Variants in GRK1 observed in about 807,000 individuals in gnomAD.
GRK1 encodes the protein G protein-coupled receptor kinase 1.
A neutral mutation model predicts 41.7 loss-of-function variants in GRK1; 28 were observed. That is an observed-to-expected ratio of 0.67 (90% CI 0.50 to 0.92). GRK1 has a LOEUF of 0.92. Ranked by LOEUF, GRK1 falls within the 40% of genes least tolerant of loss-of-function variation. GRK1 has a pLI of 0.00. For synonymous variants in GRK1, 327 were observed against 286.7 expected, an observed-to-expected ratio of 1.14 and a Z score of -1.42; for missense variants, 703 against 671.2, an observed-to-expected ratio of 1.05 and a Z score of -0.52.
the GRK1 span, chr13:113,657,997 C>G: frequency 1.8e-5 from 27 of 1,539,064 alleles, no homozygotes; most frequent in Non-Finnish European, 2.4e-5. Flanking sequence ...GAGCGGCCCC[C>G]TCCATGCACC....
intron 4 of GRK1, among the ~76,000 whole-genome samples, chr13:113,723,862 G>C (rs2140722590): frequency 6.6e-6 from 1 of 151,668 alleles, no homozygotes; most frequent in Non-Finnish European, 1.5e-5. Flanking sequence ...GCCTGTGTGT[G>C]CATGCCCGTG....
the GRK1 span, chr13:113,658,024 C>A: frequency 8.2e-6 from 13 of 1,591,068 alleles, no homozygotes; most frequent in South Asian, 6.8e-5. Context: ...GCCCGCCCCC[C>A]GCACGTACCC....
chr13:113,669,638 G>T, intron 1 of GRK1, 49 bp from the exon 2 acceptor site: 1 of 1,612,170 alleles, frequency 6.2e-7, no homozygotes. Flanking sequence ...GATGCACCTA[G>T]TCCCTTTCCT....
At chr13:113,655,054 C>T in the GRK1 span, 4 of 1,408,836 alleles carry the variant, frequency 2.8e-6, no homozygotes, top group Middle Eastern at 4.3e-4. Context: ...TACCTAGTTC[C>T]AGAACATTCT....
At chr13:113,734,036 ATG>A (rs555370556) in intron 6 of GRK1, among the ~76,000 whole-genome samples, 6,146 of 107,812 alleles carry the variant, frequency 0.057, 417 homozygotes, top group African/African-American at 0.17. Flanking sequence ...GCGTGTGCGT[ATG>A]TGTGTGTGCA....
chr13:113,668,402 G>T (rs955054430), intron 1 of GRK1, among the ~76,000 whole-genome samples: 3 of 152,124 alleles, frequency 2.0e-5, no homozygotes, highest in Non-Finnish European at 4.4e-5. Context: ...CTCAGGGGAG[G>T]CTGAAGAGGG....
chr13:113,727,038 A>T (rs2140725299), intron 4 of GRK1, among the ~76,000 whole-genome samples: 1 of 152,318 alleles, frequency 6.6e-6, no homozygotes, highest in South Asian at 2.1e-4. Context: ...GTCCCAGGAC[A>T]TCCGTCATGG....
chr13:113,650,352 G>C, the GRK1 span: 2 of 1,526,646 alleles, frequency 1.3e-6, no homozygotes, highest in Non-Finnish European at 1.8e-6. The surrounding 1 kb of genome is among the most constrained non-coding windows in gnomAD (Gnocchi z 5.0). Context: ...CTTTCGCTAA[G>C]TGTGAGAGGA....
chr13:113,729,902 G>A lies in GRK1; in HGVS notation c.1070-1317G>A, dbSNP rs1020203893. On this transcript the variant is annotated intron_variant, in intron 4 of 6. Transcript: ENST00000335678. The stretch of plus-strand genomic sequence containing the variant: ...GTCCCTCCATCCGGAGACAGTCCCC[G>A]CGGCTGCACCCAGACCCATCCCTCC... Among the ~76,000 whole-genome samples, 8 of 126,544 alleles carry A rather than the reference G, an allele frequency of 6.3e-5. No individual in the cohort carries two copies. In the East Asian group the frequency reaches 7.6e-4, roughly 12 times the overall value. The allele number at this position is 126,544 out of a possible 152,430, so 83.0% of individuals were successfully genotyped here.
the GRK1 span, among the ~76,000 whole-genome samples, chr13:113,651,074 A>C: frequency 6.6e-6 from 1 of 151,948 alleles, no homozygotes; most frequent in South Asian, 2.1e-4. Flanking sequence ...GGAGGCTTCG[A>C]GGGAAGTGAG....
At chr13:113,662,161 A>G in the GRK1 span, among the ~76,000 whole-genome samples, 4 of 152,374 alleles carry the variant, frequency 2.6e-5, no homozygotes, top group Admixed American at 2.0e-4. Context: ...AGGCTGGTTC[A>G]GTATTCAAAA....
At chr13:113,649,294 T>C in the GRK1 span, 12 of 1,491,546 alleles carry the variant, frequency 8.0e-6, no homozygotes, top group South Asian at 1.5e-4. This position sits in a 1 kb window ranked among gnomAD's most constrained non-coding sequence, Gnocchi z 4.7. Context: ...GGCAGGGAAC[T>C]GACGGGCAAG....
rs1250422066 is a variant in GRK1, at chr13:113,736,424, T to C, written c.*1061T>C. ...CTCACAGCCCACCTTCTCATACAGC[T>C]CGGCCCCACCCACAATGCACCTGGC... On this transcript the variant is annotated 3_prime_UTR_variant, in exon 7 of 7. Transcript: ENST00000335678. 1 of 152,314 alleles carries C rather than the reference T, an allele frequency of 6.6e-6. No individual in the cohort carries two copies. The highest frequency in any genetic ancestry group is 1.5e-5 in the Non-Finnish European group (1 of 68,106). 9.4% of individuals were successfully genotyped at this position (152,314 alleles called of 1,614,324 possible). A position where few individuals can be genotyped will look rare whatever the true frequency, so the allele number is the denominator to read the frequency against.
rs572666922 is a variant in GRK1 at position 113,723,151 on chromosome 13, A to C, written c.1063A>C (p.Thr355Pro). 43 of 700,696 alleles carry C rather than the reference A, an allele frequency of 6.1e-5. No individual in the cohort carries two copies. The highest frequency in any genetic ancestry group is 1.2e-4 in the Admixed American group (6 of 49,702). 43.4% of individuals were successfully genotyped at this position (700,696 alleles called of 1,614,324 possible). A position where few individuals can be genotyped will look rare whatever the true frequency, so the allele number is the denominator to read the frequency against. Residue 355 changes from threonine (T) to proline (P), a missense_variant, in exon 4 of 7, where the codon ACC becomes CCC. By Grantham distance (38) the Thr-to-Pro change is conservative. Coordinates refer to ENST00000335678, the MANE Select transcript of GRK1 (RefSeq NM_002929.3). The stretch of plus-strand genomic sequence containing the variant: ...GAGCAAGACCAAGGGCTACGCAGGG[A>C]CCCCAGGTAAGGGTCTGAGCGCAGC... ...GQSKTKGYAG[T>P]PGFMAPELLQ...
the GRK1 span, chr13:113,658,028 C>T: frequency 3.1e-6 from 5 of 1,594,402 alleles, no homozygotes; most frequent in East Asian, 2.3e-5. Context: ...GCCCCCCGCA[C>T]GTACCCCACC....
At chr13:113,668,869 T>C (rs113361237) in intron 1 of GRK1, among the ~76,000 whole-genome samples, 51 of 152,376 alleles carry the variant, frequency 3.3e-4, no homozygotes, top group African/African-American at 1.2e-3. Flanking sequence ...CTGTGCACCC[T>C]GGCTCTGCGG....
At chr13:113,733,985 T>C (rs2049979676) in intron 6 of GRK1, among the ~76,000 whole-genome samples, 3 of 135,444 alleles carry the variant, frequency 2.2e-5, no homozygotes, top group African/African-American at 7.9e-5. Context: ...TGCGCATGTG[T>C]GTGCATACAT....
At chr13:113,734,402 C>T (rs902653451) in intron 6 of GRK1, 1 of 152,382 alleles carries the variant, frequency 6.6e-6, no homozygotes, top group Non-Finnish European at 1.5e-5. Flanking sequence ...GGGTTTGAGC[C>T]CAGAAGTGTT....
At chr13:113,726,995 C>T (rs2049893173) in intron 4 of GRK1, among the ~76,000 whole-genome samples, 1 of 152,252 alleles carries the variant, frequency 6.6e-6, no homozygotes, top group South Asian at 2.1e-4. Flanking sequence ...GCCCCAGCAG[C>T]CCCCATGCCC....
Sources: gnomAD v4.1 joint callset for allele counts (sites outside exome capture counted in the v4.1 genomes callset) on GRCh38, gnomAD v4.1.1 for gene constraint, Gnocchi (gnomAD v3.1) non-coding constraint, MANE v1.5 for transcripts, NCBI Gene and HGNC (gene_info 2026-07-23, HGNC 2026-07-21) for gene names.